The following SLC39A8 variants were observed in gnomAD, a reference collection of about 807,000 sequenced individuals.
SLC39A8 encodes the protein metal cation symporter ZIP8.
Under a neutral mutation model 40.4 loss-of-function variants are expected in SLC39A8, and 15 were observed. The ratio of observed to expected loss-of-function variants is 0.37; its 90% CI spans 0.25 to 0.57. SLC39A8 has a LOEUF of 0.57. Among genes scored for constraint, SLC39A8 ranks in the 20% least tolerant of loss-of-function variants. The probability of loss-of-function intolerance (pLI) is 0.75; values close to 1 mark genes in which losing one functional copy is unlikely to be tolerated. For missense variants in SLC39A8, 472 were observed against 558.8 expected (o/e 0.84, Z 1.57); for synonymous variants, 223 against 221.6 (o/e 1.01, Z -0.06).
intron 6 of SLC39A8, among the ~76,000 whole-genome samples, chr4:102,296,750 G>C (rs1191135580): frequency 2.0e-5 from 3 of 152,100 alleles, no homozygotes; most frequent in Non-Finnish European, 2.9e-5. Context: ...GAAGCACCAG[G>C]AAAGTATTAC....
At chr4:102,293,464 G>C (rs1055746977) in intron 6 of SLC39A8, among the ~76,000 whole-genome samples, 1 of 151,898 alleles carries the variant, frequency 6.6e-6, no homozygotes, top group African/African-American at 2.4e-5. Flanking sequence ...CTTCAATATG[G>C]ATGCAGAAAG....
chr4:102,304,715 G>T (rs969028999), intron 5 of SLC39A8, among the ~76,000 whole-genome samples: 29 of 151,192 alleles, frequency 1.9e-4, no homozygotes, highest in African/African-American at 6.8e-4. Context: ...TTATTTTGAT[G>T]AATATGAATA....
intron 2 of SLC39A8, among the ~76,000 whole-genome samples, chr4:102,332,198 G>A (rs1332348545): frequency 6.6e-6 from 1 of 152,128 alleles, no homozygotes; most frequent in Non-Finnish European, 1.5e-5. Flanking sequence ...CTTCTGCACA[G>A]CAAAAGAAGC....
rs1209890493 is a variant in SLC39A8 at position 102,262,756 on chromosome 4, T to A, written c.*288A>T. On this transcript the variant is annotated 3_prime_UTR_variant, in exon 9 of 9. Transcript: ENST00000356736. ...TGTCTACATGATTATAGAATGCATG[T>A]CTCTTGCTTCATGGTGATATCTAAT... 1 of 1,094,136 alleles carries A rather than the reference T, an allele frequency of 9.1e-7. No homozygotes were observed. Among genetic ancestry groups the A allele is most frequent in the South Asian group, 3.5e-5 (1 of 28,488 alleles). The allele number at this position is 1,094,136 out of a possible 1,614,324, so 67.8% of individuals were successfully genotyped here.
chr4:102,319,283 G>A (rs1168585403), intron 2 of SLC39A8, among the ~76,000 whole-genome samples: 1 of 152,170 alleles, frequency 6.6e-6, no homozygotes, highest in Non-Finnish European at 1.5e-5. Context: ...GAAGCTCAAG[G>A]AATTAGGGCA....
chr4:102,292,639 C>A (rs1184130711), intron 6 of SLC39A8, among the ~76,000 whole-genome samples: 3 of 152,030 alleles, frequency 2.0e-5, no homozygotes, highest in Non-Finnish European at 4.4e-5. Context: ...TGAACCAAGT[C>A]TCCTACTCTT....
exon 12 of SLC39A8, chr4:102,251,431 A>T (rs1266561468): frequency 6.6e-6 from 1 of 152,134 alleles, no homozygotes; most frequent in African/African-American, 2.4e-5. Flanking sequence ...CTGGGAAATC[A>T]AAGATTTCCC....
chr4:102,335,646 T>A (rs1410429407), intron 2 of SLC39A8, among the ~76,000 whole-genome samples: 1 of 152,208 alleles, frequency 6.6e-6, no homozygotes, highest in Non-Finnish European at 1.5e-5. Context: ...AAATGTAGCA[T>A]CAGAAGTCCT....
chr4:102,344,528 C>A lies in SLC39A8; in HGVS notation c.135G>T (p.Ala45=), dbSNP rs779659172. The stretch of plus-strand genomic sequence containing the variant: ...GCTCCAGCAAGTGCTGGAGCTGCGC[C>A]GCCGACAGGCTCAGATTCGCGCCGA... The part of the protein sequence containing the change: ...SVFGANLSLS[A]AQLQHLLEQM... The change falls in exon 2 of 9, where the codon GCG becomes GCT. Residue 45 remains alanine, a synonymous_variant. Coordinates refer to ENST00000356736, the MANE Select transcript of SLC39A8 (RefSeq NM_001135146.2). The A allele has an allele frequency of 6.4e-7, 1 of 1,559,314 alleles. No individual in the cohort carries two copies. The highest frequency in any genetic ancestry group is 1.2e-5 in the South Asian group (1 of 84,426).
At chr4:102,307,096 A>AAAAT (rs138932687) in intron 4 of SLC39A8, among the ~76,000 whole-genome samples, 18,077 of 151,810 alleles carry the variant, frequency 0.12, 1,283 homozygotes, top group African/African-American at 0.14. Flanking sequence ...GCTCTTTAGA[A>AAAAT]AAATAAATAA....
intron 3 of SLC39A8, among the ~76,000 whole-genome samples, chr4:102,308,859 T>G (rs1237215061): frequency 6.6e-6 from 1 of 152,068 alleles, no homozygotes; most frequent in Non-Finnish European, 1.5e-5. Context: ...CACAAAACCC[T>G]GTAAGAGAAA....
chr4:102,289,709 G>T (rs892047648), intron 6 of SLC39A8, among the ~76,000 whole-genome samples: 1 of 152,128 alleles, frequency 6.6e-6, no homozygotes, highest in Non-Finnish European at 1.5e-5. Flanking sequence ...CACGGTAGGT[G>T]TACGGGAAAT....
intron 2 of SLC39A8, among the ~76,000 whole-genome samples, chr4:102,320,374 A>G: frequency 7.9e-6 from 1 of 126,386 alleles, no homozygotes; most frequent in Admixed American, 8.5e-5. Context: ...GAGTATATAT[A>G]TATGAGAATA....
rs149126499 is a variant in SLC39A8, at chr4:102,256,522, C to T, written c.*298+2933G>A. 4.1e-3 allele frequency among the ~76,000 whole-genome samples: 630 copies of T among 152,284 alleles called. 8 individuals carry two copies. The highest frequency in any genetic ancestry group is 0.014 in the African/African-American group (578 of 41,538). On this transcript the variant is annotated intron_variant and NMD_transcript_variant, in intron 11 of 11. Transcript: ENST00000424970. ...AGAAATGTGATAAGTCCACTTATAA[C>T]TAGTCTCTCAAAACATCCTAGATAT...
chr4:102,321,787 A>G (rs72926707), intron 2 of SLC39A8, among the ~76,000 whole-genome samples: 3,166 of 152,320 alleles, frequency 0.021, 96 homozygotes, highest in African/African-American at 0.071. Flanking sequence ...AGAAAGGTAG[A>G]GACCAGAGAC....
chr4:102,284,762 C>A (rs1733078041), intron 6 of SLC39A8, among the ~76,000 whole-genome samples: 1 of 152,062 alleles, frequency 6.6e-6, no homozygotes, highest in Admixed American at 6.5e-5. Flanking sequence ...GATGTTTGTC[C>A]AGAAAAGAAT....
intron 6 of SLC39A8, among the ~76,000 whole-genome samples, chr4:102,298,568 G>T (rs1288718673): frequency 6.6e-6 from 1 of 152,030 alleles, no homozygotes; most frequent in Non-Finnish European, 1.5e-5. Flanking sequence ...TGATGTTCAA[G>T]AACTATATGA....
intron 6 of SLC39A8, among the ~76,000 whole-genome samples, chr4:102,271,916 C>T (rs1732380337): frequency 6.6e-6 from 1 of 152,148 alleles, no homozygotes; most frequent in Non-Finnish European, 1.5e-5. Context: ...GATGAAGCCT[C>T]AGCCAGGGTG....
chr4:102,343,302 G>C (rs570153655), intron 2 of SLC39A8, among the ~76,000 whole-genome samples: 2 of 152,234 alleles, frequency 1.3e-5, no homozygotes, highest in Admixed American at 1.3e-4. Context: ...TACGTATAAT[G>C]TTATTAACAT....
Sources: gnomAD v4.1 joint callset for allele counts (sites outside exome capture counted in the v4.1 genomes callset) on GRCh38, gnomAD v4.1.1 for gene constraint, MANE v1.5 for transcripts, NCBI Gene and HGNC (gene_info 2026-07-23, HGNC 2026-07-21) for gene names.